The following RUVBL2 variants were observed in gnomAD, a reference collection of about 807,000 sequenced individuals.
RUVBL2 encodes ruvB-like 2.
Under a neutral mutation model 57.9 loss-of-function variants are expected in RUVBL2, and 9 were observed. That is an observed-to-expected ratio of 0.16 (90% CI 0.09 to 0.27). The LOEUF is 0.27. Among genes scored for constraint, RUVBL2 ranks in the 10% least tolerant of loss-of-function variants. The pLI, the probability that RUVBL2 is intolerant of heterozygous loss-of-function variation, is 1.00. For missense variants in RUVBL2, 456 were observed against 669.6 expected (o/e 0.68, Z 3.52); for synonymous variants, 278 against 264.6 (o/e 1.05, Z -0.49).
chr19:49,009,259 T>C (rs1341501199), intron 6 of RUVBL2, among the ~76,000 whole-genome samples: 1 of 133,466 alleles, frequency 7.5e-6, no homozygotes, highest in Non-Finnish European at 1.5e-5. Flanking sequence ...GAGGCCGAGG[T>C]GGGCAGATCA....
At chr19:49,004,464 A>G (rs1364602467) in intron 4 of RUVBL2, 46 bp downstream of exon 4, 1 of 1,565,688 alleles carries the variant, frequency 6.4e-7, no homozygotes, top group Admixed American at 1.7e-5. Flanking sequence ...CCTGCTAAAT[A>G]ACTCCTCCTG....
intron 8 of RUVBL2, chr19:49,010,268 T>C: frequency 1.5e-6 from 1 of 685,818 alleles, no homozygotes; most frequent in South Asian, 1.8e-5. Flanking sequence ...ATGTGGCCTG[T>C]GGCTTCTAAG....
chr19:49,010,476 C>CCCCCCCCCCCCCCCCCA lies in RUVBL2; in HGVS notation c.664-10_664-9insCCCCCCCCCCCCCCACC. 1 of 1,563,282 alleles carries CCCCCCCCCCCCCCCCCA rather than the reference C, an allele frequency of 6.4e-7. No individual in the cohort carries two copies. Among genetic ancestry groups the CCCCCCCCCCCCCCCCCA allele is most frequent in the Non-Finnish European group, 8.8e-7 (1 of 1,137,636 alleles). On this transcript the variant is annotated splice_polypyrimidine_tract_variant and intron_variant, in intron 8 of 14. Transcript: ENST00000595090. ...CTGTCTCCGCCGTTCTTCCCCCACC[C>CCCCCCCCCCCCCCCCCA]CCGCCCCATAGACCAAGTTCGTGCA... is the stretch of plus-strand genomic sequence containing the variant.
rs1470047391 is a variant in RUVBL2, at chr19:49,004,372, C to T, written c.219C>T (p.Val73=). 6 of 1,613,294 alleles carry T rather than the reference C, an allele frequency of 3.7e-6. No individual in the cohort carries two copies. The highest frequency in any genetic ancestry group is 5.1e-6 in the Non-Finnish European group (6 of 1,179,974). Residue 73 remains valine, a synonymous_variant, in exon 4 of 15, where the codon GTC becomes GTT. Coordinates refer to ENST00000595090, the MANE Select transcript of RUVBL2 (RefSeq NM_006666.3). ...IREGKIAGRA[V]LIAGQPGTGK... ...AAGGGAAGATTGCCGGTCGGGCAGT[C>T]CTTATTGCTGGCCAGCCGGGCACGG...
At chr19:48,994,014 G>C (rs1296207696) in intron 1 of RUVBL2, 91 bp downstream of exon 1, 1 of 1,517,162 alleles carries the variant, frequency 6.6e-7, no homozygotes, top group Non-Finnish European at 9.1e-7. Context: ...CTGGGTCTGA[G>C]GGAGGGGGGA....
intron 1 of RUVBL2, chr19:48,994,173 T>G: frequency 1.8e-6 from 1 of 570,852 alleles, no homozygotes; most frequent in Admixed American, 3.0e-5. Context: ...CATCATGCTA[T>G]AGGAACTCCA....
chr19:49,003,333 A>G lies in RUVBL2; in HGVS notation c.122A>G (p.Gln41Arg). 1 of 1,613,844 alleles carries G rather than the reference A, an allele frequency of 6.2e-7. No individual in the cohort carries two copies. Among genetic ancestry groups the G allele is most frequent in the Non-Finnish European group, 8.5e-7 (1 of 1,179,920 alleles). ...LGLDDALEPRQASQGMVGQLA... is the reference protein window; with the variant it reads ...LGLDDALEPRRASQGMVGQLA... ...CTGGACGATGCCTTGGAGCCTCGGCAGGTAGAGCAGAGGAGGCTGGGGTGT... is the reference window on the plus strand; with the variant it reads ...CTGGACGATGCCTTGGAGCCTCGGCGGGTAGAGCAGAGGAGGCTGGGGTGT... The change falls in exon 3 of 15, where the codon CAG becomes CGG. Residue 41 changes from glutamine to arginine, a missense_variant and splice_region_variant. Coordinates refer to ENST00000595090, the MANE Select transcript of RUVBL2 (RefSeq NM_006666.3).
chr19:49,009,305 A>ATG (rs2039353363), intron 6 of RUVBL2, among the ~76,000 whole-genome samples: 5 of 151,406 alleles, frequency 3.3e-5, no homozygotes, highest in African/African-American at 1.2e-4. Flanking sequence ...TGGCTATCAC[A>ATG]GTGAAACCCC....
chr19:49,000,681 A>G (rs930547100), intron 2 of RUVBL2, among the ~76,000 whole-genome samples: 1 of 152,270 alleles, frequency 6.6e-6, no homozygotes, highest in African/African-American at 2.4e-5. Flanking sequence ...CTTGGCCAAC[A>G]TGGTGAAACC....
intron 1 of RUVBL2, 118 bp from the exon 2 acceptor site, chr19:48,999,201 C>A: frequency 1.8e-6 from 2 of 1,088,234 alleles, no homozygotes; most frequent in Non-Finnish European, 2.8e-6. Context: ...GGTGCCTGTC[C>A]CATCGCCTGC....
upstream of RUVBL2, chr19:48,993,536 AATCTG>A (rs1173667725): frequency 2.3e-6 from 1 of 441,704 alleles, no homozygotes; most frequent in Non-Finnish European, 4.2e-6. Context: ...CAGCTCTGTC[AATCTG>A]GAGCTGGAGG....
chr19:49,015,520 C>A (rs1218755924), intron 13 of RUVBL2, 52 bp from the exon 14 acceptor site: 7 of 1,360,848 alleles, frequency 5.1e-6, no homozygotes, highest in Non-Finnish European at 7.4e-6. Flanking sequence ...GGGGTCTGTG[C>A]CTTGAGCCTC....
At chr19:48,996,696 T>G (rs765523549) in intron 1 of RUVBL2, among the ~76,000 whole-genome samples, 4 of 152,168 alleles carry the variant, frequency 2.6e-5, no homozygotes, top group Admixed American at 2.6e-4. Context: ...TGGCTAATTT[T>G]TTGTATTTTT....
chr19:48,999,925 G>T (rs991091573), intron 2 of RUVBL2, among the ~76,000 whole-genome samples: 1 of 152,234 alleles, frequency 6.6e-6, no homozygotes, highest in East Asian at 1.9e-4. Context: ...TTGAGACGCA[G>T]TGAGGCCAGC....
In RUVBL2 at chr19:48,993,919, C is replaced by G; in HGVS notation, c.8C>G (p.Thr3Ser). 6.2e-7 allele frequency: 1 copy of G among 1,614,052 alleles called. No homozygotes were observed. Among genetic ancestry groups the G allele is most frequent in the Non-Finnish European group, 8.5e-7 (1 of 1,180,000 alleles). The change falls in exon 1 of 15, where the codon ACC becomes AGC. Residue 3 changes from threonine to serine, a missense_variant. Physicochemically the swap from Thr to Ser is moderately conservative, Grantham distance 58. This residue lies in a region of RUVBL2 where 22 missense variants were observed against 23.9 expected (regional missense o/e 0.92). Coordinates refer to ENST00000595090, the MANE Select transcript of RUVBL2 (RefSeq NM_006666.3). ...TGGCAGTTGGTGAGCATCATGGCAA[C>G]CGTTGTAAGTGTGGGTGCATGGAGG... MATVTATTKVPEI... is the reference protein window; with the variant it reads MASVTATTKVPEI...
intron 1 of RUVBL2, among the ~76,000 whole-genome samples, chr19:48,997,352 G>A (rs1050398283): frequency 7.2e-5 from 11 of 152,106 alleles, no homozygotes; most frequent in Non-Finnish European, 1.0e-4. Flanking sequence ...GGCCGGGCGC[G>A]GTGGCTCACG....
chr19:49,010,253 G>GC, intron 8 of RUVBL2, 187 bp downstream of exon 8: 1 of 695,306 alleles, frequency 1.4e-6, no homozygotes, highest in East Asian at 2.7e-5. Context: ...GCTTCGCATG[G>GC]CCACATGTGG....
At chr19:49,005,051 A>T (rs2039256960) in intron 4 of RUVBL2, among the ~76,000 whole-genome samples, 1 of 151,806 alleles carries the variant, frequency 6.6e-6, no homozygotes, top group Non-Finnish European at 1.5e-5. Flanking sequence ...GGAGTCACCC[A>T]GCAGTCTTTG....
intron 11 of RUVBL2, among the ~76,000 whole-genome samples, chr19:49,012,843 C>CCACACACACA (rs58302006): frequency 0.011 from 1,600 of 141,854 alleles, 22 homozygotes; most frequent in African/African-American, 0.027. Context: ...TCAGTGCCCA[C>CCACACACACA]CACACACACA....
Sources: allele counts gnomAD v4.1 joint callset (sites outside exome capture counted in the v4.1 genomes callset), GRCh38; gene constraint gnomAD v4.1.1; regional missense constraint gnomAD v4.1.1; transcripts MANE v1.5; gene names NCBI Gene and HGNC (gene_info 2026-07-23, HGNC 2026-07-21).